Variants in CHD5 observed in about 807,000 individuals in gnomAD.
CHD5 encodes the protein chromodomain helicase DNA binding protein 5.
Under a neutral mutation model 230.3 loss-of-function variants are expected in CHD5, and 69 were observed. The ratio of observed to expected loss-of-function variants is 0.30; its 90% confidence interval spans 0.25 to 0.37. CHD5 has a LOEUF of 0.37. CHD5 is among the 10% of genes least tolerant of loss of function. The pLI, the probability that CHD5 is intolerant of heterozygous loss-of-function variation, is 1.00. For synonymous variants in CHD5, 1,064 were observed against 1,065.9 expected (o/e 1.00, Z 0.03); for missense variants, 1,827 against 2,622.8 (o/e 0.70, Z 6.63).
chr1:6,180,257 CCCCGCAGCCCGAGT>C lies in CHD5; in HGVS notation c.-248_-235del. 5.5e-6 allele frequency: 1 copy of C among 182,722 alleles called. No homozygotes were observed. Among genetic ancestry groups the C allele is most frequent in the Non-Finnish European group, 1.1e-5 (1 of 88,104 alleles). 11.3% of individuals were successfully genotyped at this position (182,722 alleles called of 1,614,324 possible). On this transcript the variant is annotated 5_prime_UTR_variant, in exon 1 of 42. Coordinates refer to ENST00000262450, the MANE Select transcript of CHD5 (RefSeq NM_015557.3). ...AAGCCCGGGCGCTCCTCCCACCGCG[CCCCGCAGCCCGAGT>C]CCCGCAGCCGGCCGAGGGTGGCGGC...
At chr1:6,174,148 C>T (rs1667382675) in intron 1 of CHD5, among the ~76,000 whole-genome samples, 1 of 149,666 alleles carries the variant, frequency 6.7e-6, no homozygotes, top group African/African-American at 2.5e-5. Context: ...CAGGGAGGGA[C>T]AAAAGAGAGA....
intron 38 of CHD5, among the ~76,000 whole-genome samples, chr1:6,107,521 C>T (rs111063516): frequency 1.8e-5 from 1 of 54,442 alleles, no homozygotes; most frequent in African/African-American, 6.4e-5. Flanking sequence ...AGGGATGGAG[C>T]GGTGGAGAGA....
intron 1 of CHD5, among the ~76,000 whole-genome samples, chr1:6,179,257 GGA>G (rs1440603970): frequency 2.6e-5 from 4 of 152,234 alleles, no homozygotes; most frequent in African/African-American, 4.8e-5. Context: ...TGGTGAGGCT[GGA>G]GACAGCGGCG....
chr1:6,143,298 G>A (rs1666858104), intron 13 of CHD5, among the ~76,000 whole-genome samples: 1 of 152,106 alleles, frequency 6.6e-6, no homozygotes, highest in Admixed American at 6.5e-5. Flanking sequence ...CTCCCACAGT[G>A]CTGGGATTAC....
intron 1 of CHD5, among the ~76,000 whole-genome samples, chr1:6,174,495 T>C (rs1490914080): frequency 1.4e-5 from 2 of 146,920 alleles, no homozygotes; most frequent in East Asian, 2.0e-4. Context: ...GATGGATGGA[T>C]AGATGGATGG....
Position 6,144,051 on chromosome 1 carries a change from T to A in CHD5, c.1907A>T (p.Asn636Ile). 6.2e-7 allele frequency: 1 copy of A among 1,613,948 alleles called. No homozygotes were observed. The highest frequency in any genetic ancestry group is 8.5e-7 in the Non-Finnish European group (1 of 1,179,976). The part of the protein sequence containing the change: ...IDDIDIPYYD[N>I]LKQAYWGHRE... ...GTGGCCCCAGTAGGCCTGCTTGAGG[T>A]TGTCGTAGTAGGGGATGTCGATGTC... Residue 636 changes from asparagine to isoleucine, a missense_variant, in exon 12 of 42, where the codon AAC becomes ATC. Around this residue, in one of 14 missense-constraint regions of CHD5, gnomAD observed 657 missense variants for 816.4 expected, o/e 0.80. Coordinates refer to ENST00000262450, the MANE Select transcript of CHD5 (RefSeq NM_015557.3).
Position 6,105,512 on chromosome 1 carries a change from C to T in CHD5, c.*47-85G>A. On this transcript the variant is annotated intron_variant, in intron 41 of 41. Coordinates refer to ENST00000262450, the MANE Select transcript of CHD5 (RefSeq NM_015557.3). The surrounding 1 kb of genome is among the most constrained non-coding windows in gnomAD (Gnocchi z 4.8). ...CACCCAACAGCCTGTAGCTGCTTCT[C>T]CACCTATCACAACCAACTATGATCG... The T allele has an allele frequency of 2.4e-6, 1 of 413,736 alleles. No individual in the cohort carries two copies. The highest frequency in any genetic ancestry group is 5.0e-6 in the Non-Finnish European group (1 of 199,906). The allele number at this position is 413,736 out of a possible 1,614,324, so 25.6% of individuals were successfully genotyped here. A position where few individuals can be genotyped will look rare whatever the true frequency, so the allele number is the denominator to read the frequency against.
At position 6,135,241 on chromosome 1, in the gene CHD5, G is replaced by A. The variant is rs748118445; in HGVS notation, c.2859C>T (p.Ser953=). Residue 953 remains serine (S), a synonymous_variant, in exon 18 of 42, where the codon AGC becomes AGT. Transcript: ENST00000262450. ...KTELIVRVEL[S]QMQKKYYKFI... is the part of the protein sequence containing the mutation. Reference sequence around the variant, plus strand: ...AGCCCATCACTCACTTCTGCATCTGGCTCAGCTCCACCCGGACAATGAGCT... The same window carrying A: ...AGCCCATCACTCACTTCTGCATCTGACTCAGCTCCACCCGGACAATGAGCT... 47 of 1,613,898 alleles carry A rather than the reference G, an allele frequency of 2.9e-5. No individual in the cohort carries two copies. The highest frequency in any genetic ancestry group is 3.6e-5 in the Non-Finnish European group (43 of 1,180,004).
intron 38 of CHD5, among the ~76,000 whole-genome samples, chr1:6,109,029 C>T (rs1557535227): frequency 6.6e-6 from 1 of 151,990 alleles, no homozygotes; most frequent in African/African-American, 2.4e-5. Context: ...GGGTGCCCTG[C>T]ACCAGGCCCT....
At position 6,149,429 on chromosome 1, in the gene CHD5, G is replaced by A; in HGVS notation, c.995-17C>T. The A allele has an allele frequency of 6.3e-7, 1 of 1,591,292 alleles. No individual in the cohort carries two copies. On this transcript the variant is annotated splice_polypyrimidine_tract_variant and intron_variant, in intron 7 of 41. Transcript: ENST00000262450. Reference sequence around the variant, plus strand: ...CATCATCAACTAGGGTAGGGGAGAGGCAGTCATGGAAGTCCTCATCCACAC... The same window carrying A: ...CATCATCAACTAGGGTAGGGGAGAGACAGTCATGGAAGTCCTCATCCACAC...
Position 6,143,907 on chromosome 1 carries a change from G to T in CHD5, c.1959C>A (p.Thr653=), listed in dbSNP as rs1274436319. The part of the protein sequence containing the change: ...GHRELMLGED[T]RLPKRLLKKG... ...TCTTGAGCAGCCTCTTGGGCAGCCT[G>T]GTGTCTTCTCCCAGCATCAGCTCCC... is the stretch of plus-strand genomic sequence containing the variant. Residue 653 remains threonine, a synonymous_variant, in exon 13 of 42, where the codon ACC becomes ACA. Coordinates refer to ENST00000262450, the MANE Select transcript of CHD5 (RefSeq NM_015557.3). 2 of 1,614,008 alleles carry T rather than the reference G, an allele frequency of 1.2e-6. No individual in the cohort carries two copies. Among genetic ancestry groups the T allele is most frequent in the South Asian group, 2.2e-5 (2 of 91,072 alleles).
chr1:6,113,731 C>T (rs1666330585), intron 33 of CHD5, among the ~76,000 whole-genome samples: 1 of 152,226 alleles, frequency 6.6e-6, no homozygotes, highest in Non-Finnish European at 1.5e-5. Flanking sequence ...GATGGCCTGT[C>T]TCCACCACAG....
chr1:6,148,696 TCGAGCAGCGCG>T (rs1370328201), intron 9 of CHD5, among the ~76,000 whole-genome samples, 147 bp downstream of exon 9: 2 of 151,930 alleles, frequency 1.3e-5, no homozygotes, highest in Non-Finnish European at 2.9e-5. Flanking sequence ...GGACGGGGTC[TCGAGCAGCGCG>T]GGCGAAGCTT....
At chr1:6,158,398 C>T (rs1487796923) in intron 3 of CHD5, among the ~76,000 whole-genome samples, 2 of 152,244 alleles carry the variant, frequency 1.3e-5, no homozygotes, top group Non-Finnish European at 2.9e-5. Flanking sequence ...CTGTCCAGCA[C>T]TTCTTGTGGC....
intron 1 of CHD5, among the ~76,000 whole-genome samples, chr1:6,176,002 AGATG>A (rs1557566841): frequency 6.6e-6 from 1 of 151,340 alleles, no homozygotes; most frequent in African/African-American, 2.4e-5. Context: ...GTGGGTAGGT[AGATG>A]GATGGATGGA....
chr1:6,170,249 T>C lies in CHD5; in HGVS notation c.80-1972A>G, dbSNP rs895404437. 4.6e-5 allele frequency among the ~76,000 whole-genome samples: 7 copies of C among 151,992 alleles called. No individual in the cohort carries two copies. In the South Asian group the frequency reaches 6.2e-4, roughly 13 times the overall value. Reference sequence around the variant, plus strand: ...CTCGCCACATGCAGACGCACAGACATGCATGTGCACCCAACACTCACCTGT... The same window carrying C: ...CTCGCCACATGCAGACGCACAGACACGCATGTGCACCCAACACTCACCTGT... On this transcript the variant is annotated intron_variant, in intron 1 of 41. Coordinates refer to ENST00000262450, the MANE Select transcript of CHD5 (RefSeq NM_015557.3).
intron 38 of CHD5, 59 bp downstream of exon 38, chr1:6,109,736 C>A: frequency 6.9e-7 from 1 of 1,459,148 alleles, no homozygotes; most frequent in Non-Finnish European, 9.5e-7. Flanking sequence ...CAGCCAAGAG[C>A]GCTCGCTGGG....
rs749521960 is a variant in CHD5, at chr1:6,128,547, C to G, written c.3682G>C (p.Gly1228Arg). Residue 1228 changes from glycine to arginine, a missense_variant, in exon 24 of 42, where the codon GGG becomes CGG. This residue lies in a region of CHD5 where 25 missense variants were observed against 20.3 expected (regional missense o/e 1.23). Transcript: ENST00000262450. This position sits in a 1 kb window ranked among gnomAD's most constrained non-coding sequence, Gnocchi z 7.8. ...TTCTTTGCACTGGCGGCCAAGTTCC[C>G]CCCTTTGGAGGACTGGACATCAGGG... The part of the protein sequence containing the change: ...PIPDVQSSKG[G>R]NLAASAKKKH... 6.2e-7 allele frequency: 1 copy of G among 1,614,190 alleles called. No homozygotes were observed. Among genetic ancestry groups the G allele is most frequent in the South Asian group, 1.1e-5 (1 of 91,078 alleles).
chr1:6,120,268 G>T (rs1666447775), intron 33 of CHD5, among the ~76,000 whole-genome samples: 1 of 152,056 alleles, frequency 6.6e-6, no homozygotes, highest in Non-Finnish European at 1.5e-5. Flanking sequence ...CAGAGAGCAG[G>T]TTTCAACAAC....
Sources: gnomAD v4.1 joint callset for allele counts (sites outside exome capture counted in the v4.1 genomes callset) on GRCh38, gnomAD v4.1.1 for gene constraint, gnomAD v4.1.1 regional missense constraint, Gnocchi (gnomAD v3.1) non-coding constraint, MANE v1.5 for transcripts, NCBI Gene and HGNC (gene_info 2026-07-23, HGNC 2026-07-21) for gene names.